C10orf143: variants seen among roughly 807,000 people sequenced by gnomAD.
C10orf143 encodes uncharacterized protein C10orf143.
At chr10:130,107,586 A>G (rs1861675534) in intron 1 of C10orf143, 4 of 1,344,996 alleles carry the variant, frequency 3.0e-6, no homozygotes, top group Non-Finnish European at 4.3e-6. Context: ...GGCAGAGAGC[A>G]TTCCCCATAT....
downstream of C10orf143, among the ~76,000 whole-genome samples, chr10:130,063,623 C>G (rs78771278): frequency 2.3e-3 from 353 of 152,308 alleles, 3 homozygotes; most frequent in Non-Finnish European, 4.1e-3. Flanking sequence ...ATAGAGGGGG[C>G]TCTTCCCACA....
chr10:130,046,766 G>T (rs980670262), intron 3 of C10orf143, among the ~76,000 whole-genome samples: 3 of 152,182 alleles, frequency 2.0e-5, no homozygotes, highest in African/African-American at 7.2e-5. Context: ...CACGCCGCCC[G>T]CTCACCTGCA....
chr10:130,052,236 C>G (rs1242579702), intron 3 of C10orf143, among the ~76,000 whole-genome samples: 2 of 151,994 alleles, frequency 1.3e-5, no homozygotes, highest in Non-Finnish European at 1.5e-5. Flanking sequence ...GACGGGAGCC[C>G]GATGGGGGTC....
chr10:130,081,137 G>A (rs996094105), intron 1 of C10orf143, among the ~76,000 whole-genome samples: 35 of 152,080 alleles, frequency 2.3e-4, no homozygotes, highest in Admixed American at 9.2e-4. Context: ...AAAATAAAAA[G>A]GATGGACCAA....
intron 3 of C10orf143, among the ~76,000 whole-genome samples, chr10:130,072,937 C>T (rs185542820): frequency 2.0e-5 from 3 of 152,300 alleles, no homozygotes; most frequent in Non-Finnish European, 4.4e-5. Context: ...AAGGTTGCCA[C>T]AAATCTTCAA....
At chr10:130,079,134 T>C (rs1861165623) in intron 3 of C10orf143, among the ~76,000 whole-genome samples, 1 of 152,222 alleles carries the variant, frequency 6.6e-6, no homozygotes, top group South Asian at 2.1e-4. Flanking sequence ...AAACACTGTG[T>C]TTGCTTCTGA....
intron 3 of C10orf143, among the ~76,000 whole-genome samples, chr10:130,070,696 T>TA (rs1861016202): frequency 6.6e-6 from 1 of 152,218 alleles, no homozygotes; most frequent in African/African-American, 2.4e-5. Context: ...CTTTAGTAGA[T>TA]ATATATCAAT....
chr10:130,037,320 C>G (rs1182672277), intron 3 of C10orf143, among the ~76,000 whole-genome samples: 1 of 152,206 alleles, frequency 6.6e-6, no homozygotes, highest in Non-Finnish European at 1.5e-5. Flanking sequence ...CTGACTTCAC[C>G]CAGTTACTTA....
chr10:130,102,380 C>A (rs561071258), intron 1 of C10orf143, among the ~76,000 whole-genome samples: 1 of 152,118 alleles, frequency 6.6e-6, no homozygotes, highest in African/African-American at 2.4e-5. Flanking sequence ...TCCAGTGGTT[C>A]TCCCACCTCA....
At chr10:130,092,513 G>A (rs6482773) in intron 1 of C10orf143, among the ~76,000 whole-genome samples, 5,848 of 152,050 alleles carry the variant, frequency 0.038, 305 homozygotes, top group East Asian at 0.11. Context: ...ATCAATTAAC[G>A]GGCAAAATAA....
In C10orf143 at chr10:130,056,515, T is replaced by C. The variant is rs77035764; in HGVS notation, c.298-20545A>G. Among the ~76,000 whole-genome samples, 109 of 152,340 alleles carry C rather than the reference T, an allele frequency of 7.2e-4. No homozygotes were observed. The highest frequency in any genetic ancestry group is 2.3e-3 in the African/African-American group (96 of 41,572). ...GAAATGAGGAAAAGAAACAATGTCATTTTACAGAGAAAGGGAAGGGTTGAG... is the reference window on the plus strand; with the variant it reads ...GAAATGAGGAAAAGAAACAATGTCACTTTACAGAGAAAGGGAAGGGTTGAG... On this transcript the variant is annotated intron_variant and NMD_transcript_variant, in intron 3 of 5. Transcript: ENST00000643056. The surrounding 1 kb of genome is among the most constrained non-coding windows in gnomAD (Gnocchi z 4.6).
intron 1 of C10orf143, among the ~76,000 whole-genome samples, chr10:130,095,255 AAGG>A (rs1394983019): frequency 6.6e-6 from 1 of 152,008 alleles, no homozygotes; most frequent in Non-Finnish European, 1.5e-5. Context: ...GGACCTCTTC[AAGG>A]AGAACTACAA....
chr10:130,105,568 TA>T (rs1200790256), intron 1 of C10orf143, among the ~76,000 whole-genome samples: 4 of 152,068 alleles, frequency 2.6e-5, no homozygotes, highest in African/African-American at 7.2e-5. Flanking sequence ...TCATCTCTAC[TA>T]AAAATACAAA....
chr10:130,060,641 G>T (rs1316074221), downstream of C10orf143, among the ~76,000 whole-genome samples: 2 of 151,034 alleles, frequency 1.3e-5, no homozygotes, highest in South Asian at 4.2e-4. Flanking sequence ...GGCTAACACG[G>T]TGAAACCCCA....
chr10:130,045,376 C>T (rs1860654912), intron 3 of C10orf143, among the ~76,000 whole-genome samples: 1 of 152,224 alleles, frequency 6.6e-6, no homozygotes, highest in African/African-American at 2.4e-5. Context: ...AAAGGAAACC[C>T]GCACAGGCGT....
At chr10:130,107,948 C>G (rs765561397) in intron 1 of C10orf143, 2 of 1,476,552 alleles carry the variant, frequency 1.4e-6, no homozygotes, top group South Asian at 1.1e-5. Context: ...ACTGTCTGGA[C>G]CAGCAGAACT....
intron 3 of C10orf143, among the ~76,000 whole-genome samples, chr10:130,042,726 G>A (rs949766541): frequency 6.6e-6 from 1 of 152,220 alleles, no homozygotes; most frequent in South Asian, 2.1e-4. Flanking sequence ...CTCAGCCAAC[G>A]TCTGGAGAGC....
At chr10:130,080,509 T>C (rs930470235) in intron 1 of C10orf143, among the ~76,000 whole-genome samples, 5 of 152,248 alleles carry the variant, frequency 3.3e-5, no homozygotes, top group Admixed American at 6.5e-5. Flanking sequence ...AGACTTTGTG[T>C]ATTTTTAGGG....
intron 3 of C10orf143, among the ~76,000 whole-genome samples, chr10:130,048,320 G>T (rs1012908214): frequency 1.3e-5 from 2 of 152,184 alleles, no homozygotes; most frequent in East Asian, 3.9e-4. Flanking sequence ...GAGGGTAAGA[G>T]CCCCAGTCTG....
Sources: allele counts gnomAD v4.1 joint callset (sites outside exome capture counted in the v4.1 genomes callset), GRCh38; gene constraint gnomAD v4.1.1; non-coding constraint Gnocchi (gnomAD v3.1); transcripts MANE v1.5; gene names NCBI Gene and HGNC (gene_info 2026-07-23, HGNC 2026-07-21).